FHL1: variants seen among roughly 807,000 people sequenced by gnomAD.
The protein encoded by FHL1 is four and a half LIM domains protein 1.
FHL1 carries 1 observed loss-of-function variant against 20.3 expected under a neutral mutation model. That is an observed-to-expected ratio of 0.05 (90% CI 0.02 to 0.23). The LOEUF (loss-of-function observed/expected upper bound fraction) is 0.23, where lower values mean the gene tolerates loss of function less well. Among genes scored for constraint, FHL1 ranks in the 10% least tolerant of loss-of-function variants. The pLI, the probability that FHL1 is intolerant of heterozygous loss-of-function variation, is 1.00. For missense variants in FHL1, 177 were observed against 234.0 expected (o/e 0.76, Z 1.59); for synonymous variants, 82 against 88.9 (o/e 0.92, Z 0.44).
At chrX:136,190,893 T>C (rs974582259) in intron 2 of FHL1, among the ~76,000 whole-genome samples, 13 of 111,484 alleles carry the variant, frequency 1.2e-4, no homozygotes, top group African/African-American at 4.2e-4. Flanking sequence ...ATGAGGTGAT[T>C]GGATTAGGTG....
At chrX:136,169,457 A>T, upstream of FHL1, 1 of 208,488 alleles carries the variant, frequency 4.8e-6, no homozygotes, top group Non-Finnish European at 8.7e-6. Context: ...TGTGCTCTAC[A>T]TTCTGGCTGG....
chrX:136,183,366 T>C (rs1437524096), intron 2 of FHL1, among the ~76,000 whole-genome samples: 2 of 111,250 alleles, frequency 1.8e-5, no homozygotes, highest in African/African-American at 6.5e-5. Context: ...AAGAAACCAT[T>C]AGGTTGCAAT....
At chrX:136,160,435 TTTG>T (rs1391211204) in intron 1 of FHL1, among the ~76,000 whole-genome samples, 1 of 111,837 alleles carries the variant, frequency 8.9e-6, no homozygotes, top group Non-Finnish European at 1.9e-5. Flanking sequence ...TGTTTGTTTG[TTTG>T]TTTTTTTTGA....
At chrX:136,162,778 C>T (rs989292984) in intron 1 of FHL1, among the ~76,000 whole-genome samples, 37 of 111,865 alleles carry the variant, frequency 3.3e-4, no homozygotes, top group African/African-American at 1.2e-3. Flanking sequence ...TCAGCCTCTG[C>T]CATACAATAG....
At chrX:136,188,879 A>C (rs2073370990) in intron 2 of FHL1, among the ~76,000 whole-genome samples, 1 of 111,501 alleles carries the variant, frequency 9.0e-6, no homozygotes, top group South Asian at 3.8e-4. Flanking sequence ...CCTGAGCTGT[A>C]GAGTCATTTC....
rs764929890 is a variant in FHL1 at position 136,207,131 on chromosome X, A to G, written c.320A>G (p.Lys107Arg). The change falls in exon 3 of 6, where the codon AAG (lysine) becomes AGG (arginine). Residue 107 changes from lysine to arginine, a missense_variant. Transcript: ENST00000370683. ...AAGGACAACAAGATCCTGTGCAACA[A>G]GTGCACCACTCGGGAGGACTCCCCC... ...VAKDNKILCN[K>R]CTTREDSPKC... 1 of 1,210,061 alleles carries G rather than the reference A, an allele frequency of 8.3e-7. No homozygotes were observed. The highest frequency in any genetic ancestry group is 1.8e-5 in the South Asian group (1 of 56,800).
intron 1 of FHL1, among the ~76,000 whole-genome samples, chrX:136,158,515 A>G (rs1209956301): frequency 9.0e-6 from 1 of 110,628 alleles, no homozygotes; most frequent in Non-Finnish European, 1.9e-5. Flanking sequence ...TCCTGATGCC[A>G]CTTCTCTTGC....
At chrX:136,160,535 C>G (rs909147174) in intron 1 of FHL1, among the ~76,000 whole-genome samples, 2 of 111,613 alleles carry the variant, frequency 1.8e-5, no homozygotes, top group Admixed American at 1.9e-4. Context: ...CAAACAATCC[C>G]TCTGCTTCAG....
upstream of FHL1, chrX:136,146,713 G>C: frequency 3.1e-6 from 1 of 320,215 alleles, no homozygotes; most frequent in Non-Finnish European, 6.1e-6. Context: ...TGCAGACAAC[G>C]CTGTTATCAC....
rs866716263 is a variant in FHL1, at chrX:136,209,853, C to T, written c.737-18C>T. ...TGTTTCTCTTGTTTTCTTTTCTTTT[C>T]TTTTTTTTTCCCCCCAGGGTTTGGT... On this transcript the variant is annotated intron_variant, in intron 5 of 5. Transcript: ENST00000370683. 5 of 1,157,197 alleles carry T rather than the reference C, an allele frequency of 4.3e-6. No individual in the cohort carries two copies. Among genetic ancestry groups the T allele is most frequent in the Non-Finnish European group, 5.9e-6 (5 of 854,114 alleles).
chrX:136,188,453 G>A (rs776212922), intron 2 of FHL1, among the ~76,000 whole-genome samples: 2 of 111,327 alleles, frequency 1.8e-5, no homozygotes, highest in East Asian at 5.6e-4. Flanking sequence ...AGTGAGCTGA[G>A]GCACAGGGTT....
chrX:136,188,995 A>AT (rs1180308737), intron 2 of FHL1, among the ~76,000 whole-genome samples: 1 of 112,067 alleles, frequency 8.9e-6, no homozygotes, highest in Non-Finnish European at 1.9e-5. Context: ...CTGGAGCTGC[A>AT]TATAGGTAGC....
intron 2 of FHL1, among the ~76,000 whole-genome samples, chrX:136,181,395 T>C (rs185245865): frequency 6.8e-4 from 76 of 112,250 alleles, no homozygotes; most frequent in African/African-American, 2.4e-3. Flanking sequence ...TACACTGTCA[T>C]CCTTCAGATG....
At chrX:136,189,600 C>T (rs1383166565) in intron 2 of FHL1, among the ~76,000 whole-genome samples, 1 of 111,840 alleles carries the variant, frequency 8.9e-6, no homozygotes, top group Non-Finnish European at 1.9e-5. Flanking sequence ...TACTGTGTGC[C>T]AGCCACTGCT....
At position 136,183,172 on chromosome X, in the gene FHL1, G is replaced by A. The variant is rs759802440; in HGVS notation, c.-27+13192G>A. The stretch of plus-strand genomic sequence containing the variant: ...TTTGGGCAGAGATTAGTTGGGGGAT[G>A]TGGGTGGGAAACCTGGTGATTAGAT... On this transcript the variant is annotated intron_variant, in intron 2 of 6. Coordinates refer to the FHL1 transcript ENST00000394153. 7.2e-5 allele frequency among the ~76,000 whole-genome samples: 8 copies of A among 110,935 alleles called. No homozygotes were observed. In the South Asian group the frequency reaches 3.1e-3, roughly 43 times the overall value.
intron 2 of FHL1, among the ~76,000 whole-genome samples, chrX:136,173,411 T>C (rs1228438606): frequency 8.9e-6 from 1 of 112,353 alleles, no homozygotes; most frequent in Non-Finnish European, 1.9e-5. Context: ...CTCTTCTTGG[T>C]GCACTAGCAA....
intron 1 of FHL1, chrX:136,148,544 TC>T (rs2072173783): frequency 9.0e-6 from 1 of 110,848 alleles, no homozygotes; most frequent in Non-Finnish European, 1.9e-5. Flanking sequence ...AAACGTGAAA[TC>T]CTTACAAGGT....
At chrX:136,193,902 C>T (rs926450584), upstream of FHL1, among the ~76,000 whole-genome samples, 12 of 110,330 alleles carry the variant, frequency 1.1e-4, no homozygotes, top group African/African-American at 4.0e-4. Context: ...TTTCCCTCCT[C>T]TCTAGCTTTC....
chrX:136,200,777 A>G (rs1569529938), intron 1 of FHL1, among the ~76,000 whole-genome samples: 2 of 112,276 alleles, frequency 1.8e-5, no homozygotes, highest in Non-Finnish European at 3.8e-5. Flanking sequence ...GTGGGTCTGT[A>G]GCAACCTCAT....
Sources: allele counts gnomAD v4.1 joint callset (sites outside exome capture counted in the v4.1 genomes callset), GRCh38; gene constraint gnomAD v4.1.1; transcripts MANE v1.5; gene names NCBI Gene and HGNC (gene_info 2026-07-23, HGNC 2026-07-21).